The following DSG3 variants were observed in gnomAD, a reference collection of about 807,000 sequenced individuals.
The protein encoded by DSG3 is desmoglein 3.
Under a neutral mutation model 85.9 loss-of-function variants are expected in DSG3, and 63 were observed. The ratio of observed to expected loss-of-function variants is 0.73; its 90% confidence interval spans 0.60 to 0.90. DSG3 has a LOEUF of 0.90. DSG3 is among the 40% of genes least tolerant of loss of function. The probability of loss-of-function intolerance (pLI) is 0.00; values close to 1 mark genes in which losing one functional copy is unlikely to be tolerated. For synonymous variants in DSG3, 447 were observed against 441.9 expected (o/e 1.01, Z -0.14); for missense variants, 1,220 against 1,219.9 (o/e 1.00, Z 0.00).
intron 1 of DSG3, among the ~76,000 whole-genome samples, chr18:31,453,832 A>G (rs1011166428): frequency 6.6e-6 from 1 of 152,116 alleles, no homozygotes; most frequent in Non-Finnish European, 1.5e-5. Context: ...AAAACTATGT[A>G]AATATTTATT....
intron 12 of DSG3, among the ~76,000 whole-genome samples, chr18:31,471,702 GTCC>G (rs1415526554): frequency 2.0e-5 from 3 of 152,194 alleles, no homozygotes. Flanking sequence ...TGCCAGAAGA[GTCC>G]TCCAAGCTTA....
At chr18:31,457,581 CTTTCTTCTTTCTTTCTTTCT>C (rs1400599144) in intron 3 of DSG3, among the ~76,000 whole-genome samples, 209 of 80,614 alleles carry the variant, frequency 2.6e-3, no homozygotes, top group East Asian at 0.012. Flanking sequence ...TTCTTTCTTT[CTTTCTTCTTTCTTTCTTTCT>C]TTCTTTCTTT....
intron 12 of DSG3, 55 bp downstream of exon 12, chr18:31,469,404 C>T (rs541837822): frequency 2.5e-6 from 4 of 1,598,828 alleles, no homozygotes; most frequent in African/African-American, 2.7e-5. Context: ...TTTGCAAAGG[C>T]CTCCATGCTG....
At chr18:31,461,002 T>A in intron 7 of DSG3, 41 bp downstream of exon 7, 1 of 1,527,514 alleles carries the variant, frequency 6.5e-7, no homozygotes, top group African/African-American at 1.4e-5. Context: ...AGATATATAT[T>A]TAATACTTTG....
At position 31,464,293 on chromosome 18, in the gene DSG3, A is replaced by G; in HGVS notation, c.1182A>G (p.Lys394=). Residue 394 remains lysine (K), a synonymous_variant, in exon 9 of 16, where the codon AAA becomes AAG. Transcript: ENST00000257189. ...RPASKTFTVQ[K]GISSKKLVDY... Reference sequence around the variant, plus strand: ...CTTCCAAGACATTTACTGTGCAAAAAGGCATAAGTAGCAAAAAATTGGTGG... The same window carrying G: ...CTTCCAAGACATTTACTGTGCAAAAGGGCATAAGTAGCAAAAAATTGGTGG... 1 of 1,614,188 alleles carries G rather than the reference A, an allele frequency of 6.2e-7. No individual in the cohort carries two copies. The highest frequency in any genetic ancestry group is 1.3e-5 in the African/African-American group (1 of 75,070).
intron 11 of DSG3, 82 bp downstream of exon 11, chr18:31,466,836 AG>A: frequency 7.9e-7 from 1 of 1,268,776 alleles, no homozygotes; most frequent in Non-Finnish European, 1.1e-6. Flanking sequence ...ATTTAAGAGC[AG>A]GTCCTTCCAA....
At chr18:31,462,405 C>A (rs1010609835) in intron 8 of DSG3, among the ~76,000 whole-genome samples, 1 of 152,132 alleles carries the variant, frequency 6.6e-6, no homozygotes, top group Admixed American at 6.6e-5. Context: ...ATGAGAGCGT[C>A]CTTATTTAAA....
At chr18:31,455,015 C>T (rs1379805342) in intron 1 of DSG3, among the ~76,000 whole-genome samples, 3 of 140,810 alleles carry the variant, frequency 2.1e-5, no homozygotes, top group Admixed American at 6.9e-5. Context: ...GAGCGAAACT[C>T]CGTCTCAAAA....
At chr18:31,463,401 G>A (rs2072797878) in intron 8 of DSG3, among the ~76,000 whole-genome samples, 2 of 152,168 alleles carry the variant, frequency 1.3e-5, no homozygotes, top group Admixed American at 6.5e-5. Context: ...ATATACAGTT[G>A]TAACCAATAT....
At position 31,476,015 on chromosome 18, in the gene DSG3, G is replaced by T; in HGVS notation, c.2755G>T (p.Ala919Ser). Residue 919 changes from alanine (A) to serine (S), a missense_variant, in exon 16 of 16, where the codon GCT (alanine) becomes TCT (serine). Coordinates refer to ENST00000257189, the MANE Select transcript of DSG3 (RefSeq NM_001944.3). ...ALSTSGSVQP[A>S]VSIPDPLQHG... ...GTCCACCTCTGGGTCTGTCCAGCCA[G>T]CTGTTTCCATCCCTGACCCTCTGCA... 6.2e-7 allele frequency: 1 copy of T among 1,614,186 alleles called. No homozygotes were observed. Among genetic ancestry groups the T allele is most frequent in the South Asian group, 1.1e-5 (1 of 91,084 alleles).
chr18:31,459,772 G>A, intron 5 of DSG3, 73 bp from the exon 6 acceptor site: 1 of 1,404,732 alleles, frequency 7.1e-7, no homozygotes, highest in Admixed American at 2.2e-5. Context: ...ATGTGAACTT[G>A]TTTGGAATAT....
chr18:31,457,172 A>G (rs2072747487), intron 3 of DSG3, 48 bp downstream of exon 3: 1 of 1,566,578 alleles, frequency 6.4e-7, no homozygotes, highest in East Asian at 2.3e-5. Flanking sequence ...TAAATGTATA[A>G]GGTGTAAATT....
intron 12 of DSG3, among the ~76,000 whole-genome samples, chr18:31,470,853 A>G (rs752753107): frequency 1.2e-4 from 18 of 152,232 alleles, no homozygotes; most frequent in Non-Finnish European, 2.2e-4. Context: ...ACAGCCTTCG[A>G]AGGCTAAAGC....
intron 12 of DSG3, among the ~76,000 whole-genome samples, chr18:31,470,999 A>G (rs547802338): frequency 6.6e-6 from 1 of 152,226 alleles, no homozygotes; most frequent in Non-Finnish European, 1.5e-5. Context: ...TGAATAAAAG[A>G]CTAACATGAT....
chr18:31,458,625 GC>G, intron 4 of DSG3, 25 bp downstream of exon 4: 1 of 1,603,034 alleles, frequency 6.2e-7, no homozygotes, highest in Middle Eastern at 1.7e-4. Context: ...TCAACATTGG[GC>G]TACCCTTCTC....
At chr18:31,467,890 C>A (rs2072831784) in intron 11 of DSG3, among the ~76,000 whole-genome samples, 1 of 152,324 alleles carries the variant, frequency 6.6e-6, no homozygotes, top group African/African-American at 2.4e-5. Flanking sequence ...ACATAAAGAT[C>A]TATCTCCAAA....
At chr18:31,462,371 C>A (rs2072792216) in intron 8 of DSG3, among the ~76,000 whole-genome samples, 1 of 152,146 alleles carries the variant, frequency 6.6e-6, no homozygotes, top group African/African-American at 2.4e-5. Flanking sequence ...CGCATCTGGC[C>A]CTTGGTACAG....
At chr18:31,470,460 G>A (rs1354403487) in intron 12 of DSG3, among the ~76,000 whole-genome samples, 2 of 151,922 alleles carry the variant, frequency 1.3e-5, no homozygotes, top group Non-Finnish European at 2.9e-5. Flanking sequence ...CTATTCTAAA[G>A]TTATTATACA....
In DSG3 at chr18:31,475,806, T is replaced by C; in HGVS notation, c.2546T>C (p.Leu849Pro). ...CTGGATGACAGCTTCTTGGACTCAC[T>C]TGGACCCAAATTTAAAAAACTTGCA... ...DDLDDSFLDS[L>P]GPKFKKLAEI... Residue 849 changes from leucine (L) to proline (P), a missense_variant, in exon 16 of 16, where the codon CTT becomes CCT. Physicochemically the swap from Leu to Pro is moderately conservative, Grantham distance 98. Transcript: ENST00000257189. 6.2e-7 allele frequency: 1 copy of C among 1,614,188 alleles called. No individual in the cohort carries two copies. The highest frequency in any genetic ancestry group is 1.1e-5 in the South Asian group (1 of 91,082).
Sources: allele counts gnomAD v4.1 joint callset (sites outside exome capture counted in the v4.1 genomes callset), GRCh38; gene constraint gnomAD v4.1.1; transcripts MANE v1.5; gene names NCBI Gene and HGNC (gene_info 2026-07-23, HGNC 2026-07-21).